DGKD: variants seen among roughly 807,000 people sequenced by gnomAD.
DGKD encodes the protein diacylglycerol kinase delta.
Under a neutral mutation model 154.4 loss-of-function variants are expected in DGKD, and 68 were observed. The observed-to-expected ratio is 0.44, with a 90% CI of 0.36 to 0.54. The LOEUF (loss-of-function observed/expected upper bound fraction) is 0.54. Ranked by LOEUF, DGKD falls within the 20% of genes least tolerant of loss-of-function variation. The pLI is 0.00. For synonymous variants in DGKD, 693 were observed against 638.0 expected, an observed-to-expected ratio of 1.09 and a Z score of -1.30; for missense variants, 1,343 against 1,593.6, an observed-to-expected ratio of 0.84 and a Z score of 2.68.
chr2:233,468,580 C>CCTG, intron 29 of DGKD, 27 bp downstream of exon 29: 1 of 1,612,594 alleles, frequency 6.2e-7, no homozygotes, highest in Non-Finnish European at 8.5e-7. Flanking sequence ...CTCCCTGGAA[C>CCTG]CTGCACTTGG....
intron 25 of DGKD, 51 bp from the exon 26 acceptor site, chr2:233,462,592 C>CCAGTGCATGTTCCCTCCCA: frequency 6.4e-7 from 1 of 1,573,684 alleles, no homozygotes; most frequent in Non-Finnish European, 8.7e-7. Context: ...TGCCCCTAAC[C>CCAGTGCATGTTCCCTCCCA]GTGCATGTTC....
At chr2:233,403,752 G>T (rs941275939) in intron 3 of DGKD, among the ~76,000 whole-genome samples, 4 of 150,732 alleles carry the variant, frequency 2.7e-5, no homozygotes, top group Non-Finnish European at 5.9e-5. Flanking sequence ...CAATTCTCCT[G>T]CCTCAGCCTC....
intron 1 of DGKD, among the ~76,000 whole-genome samples, chr2:233,387,625 G>A (rs914548401): frequency 1.3e-5 from 2 of 152,166 alleles, no homozygotes; most frequent in Non-Finnish European, 2.9e-5. Context: ...CTGGATTCTC[G>A]TAAGAGAACG....
rs575069065 is a variant in DGKD, at chr2:233,422,138, G to GCC, written c.349-12241_349-12240dup. On this transcript the variant is annotated intron_variant, in intron 3 of 29. Coordinates refer to ENST00000264057, the MANE Select transcript of DGKD (RefSeq NM_152879.3). ...GGGGCCTTGTCTTGGCACCATCTCG[G>GCC]CCACTCCCAGAGCATACATTGGTAT... is the stretch of plus-strand genomic sequence containing the variant. 2.5e-4 allele frequency among the ~76,000 whole-genome samples: 38 copies of GCC among 152,326 alleles called. 1 individual carries two copies. The South Asian group carries it at 7.9e-3, about 32-fold the overall frequency.
chr2:233,461,269 T>A (rs1365405614), intron 24 of DGKD, among the ~76,000 whole-genome samples: 1 of 152,232 alleles, frequency 6.6e-6, no homozygotes, highest in Non-Finnish European at 1.5e-5. Context: ...TGTCCCTTTC[T>A]TGTTTCCCCT....
Position 233,467,140 on chromosome 2 carries a change from A to G in DGKD, c.3361A>G (p.Thr1121Ala), listed in dbSNP as rs764774659. The change falls in exon 28 of 30, where the codon ACC (threonine) becomes GCC (alanine). Residue 1121 changes from threonine (T) to alanine (A), a missense_variant. Physicochemically the swap from Thr to Ala is moderately conservative, Grantham distance 58 (BLOSUM62 0). Around this residue, in one of 6 missense-constraint regions of DGKD, gnomAD observed 429 missense variants for 496.3 expected, o/e 0.86. Transcript: ENST00000264057. ...RSRSGKFRLV[T>A]KFKKEKNNKN... ...TCGCAGTGGTAAATTCCGCCTCGTGACCAAGTTTAAAAAGGAGAAAAACAA... is the reference window on the plus strand; with the variant it reads ...TCGCAGTGGTAAATTCCGCCTCGTGGCCAAGTTTAAAAAGGAGAAAAACAA... 1.9e-6 allele frequency: 3 copies of G among 1,614,238 alleles called. No individual in the cohort carries two copies. The Admixed American group carries it at 5.0e-5, about 27-fold the overall frequency.
In DGKD at chr2:233,449,228, G is replaced by A. The variant is rs770610152; in HGVS notation, c.1740G>A (p.Ser580=). The part of the protein sequence containing the change: ...IAEEAEDGDG[S]GSICGSTGDR... ...AGGAGGCTGAAGATGGAGATGGGTC[G>A]GGCAGCATCTGCGGTTCCACCGGAG... The change falls in exon 15 of 30, where the codon TCG becomes TCA. Residue 580 remains serine (S), a synonymous_variant. Coordinates refer to ENST00000264057, the MANE Select transcript of DGKD (RefSeq NM_152879.3). The surrounding 1 kb of genome is among the most constrained non-coding windows in gnomAD (Gnocchi z 5.3). 34 of 1,613,710 alleles carry A rather than the reference G, an allele frequency of 2.1e-5. No individual in the cohort carries two copies. The South Asian group carries it at 2.5e-4, about 12-fold the overall frequency.
In DGKD at chr2:233,458,502, A is replaced by T. The variant is rs73995976; in HGVS notation, c.2694+105A>T. The T allele has an allele frequency of 3.5e-3, 2,855 of 805,838 alleles. 55 individuals are homozygous for T. In the African/African-American group the frequency reaches 0.043, roughly 12 times the overall value. The allele number at this position is 805,838 out of a possible 1,614,324, so 49.9% of individuals were successfully genotyped here. On this transcript the variant is annotated intron_variant, in intron 22 of 29. Coordinates refer to ENST00000264057, the MANE Select transcript of DGKD (RefSeq NM_152879.3). The surrounding 1 kb of genome is among the most constrained non-coding windows in gnomAD (Gnocchi z 6.6). ...GGGAGGGTGGGCGCTTTCCAGGGCC[A>T]TGTGGCTGCCTCATGTCCTGTCCTG...
chr2:233,462,139 G>A (rs1394223843), intron 24 of DGKD, among the ~76,000 whole-genome samples: 1 of 152,180 alleles, frequency 6.6e-6, no homozygotes, highest in Non-Finnish European at 1.5e-5. Context: ...CAGATTTCTC[G>A]TGGAAGCCCT....
intron 3 of DGKD, among the ~76,000 whole-genome samples, chr2:233,421,139 T>G (rs1157211007): frequency 6.6e-6 from 1 of 152,128 alleles, no homozygotes; most frequent in African/African-American, 2.4e-5. Flanking sequence ...CATTGGACAT[T>G]GCTGAGACTT....
rs755474218 is a variant in DGKD at position 233,467,191 on chromosome 2, C to T, written c.3412C>T (p.Leu1138=). 1.2e-6 allele frequency: 2 copies of T among 1,613,734 alleles called. No homozygotes were observed. Among genetic ancestry groups the T allele is most frequent in the South Asian group, 1.1e-5 (1 of 91,078 alleles). ...CAAGAACAAAGAAGCTCACAGTAGC[C>T]TGGGAGCCCCGGGTACCTGCCTCTC... is the stretch of plus-strand genomic sequence containing the variant. The part of the protein sequence containing the change: ...NNKNKEAHSS[L]GAPVHLWGTE... The change falls in exon 28 of 30, where the codon CTG becomes TTG. Residue 1138 remains leucine, a synonymous_variant. Transcript: ENST00000264057.
At chr2:233,364,867 TGAAAGAGA>T (rs1701948725) in intron 1 of DGKD, among the ~76,000 whole-genome samples, 1 of 152,130 alleles carries the variant, frequency 6.6e-6, no homozygotes, top group Non-Finnish European at 1.5e-5. Flanking sequence ...CTAGGCTATT[TGAAAGAGA>T]TACGTTTAAA....
At chr2:233,397,024 GGGGCGC>G (rs1438499429) in intron 3 of DGKD, among the ~76,000 whole-genome samples, 1 of 18,974 alleles carries the variant, frequency 5.3e-5, no homozygotes, top group Non-Finnish European at 1.1e-4. Context: ...GCTGGGGGGG[GGGGCGC>G]CAGAGTGAGA....
chr2:233,412,159 T>C (rs956773326), intron 3 of DGKD, among the ~76,000 whole-genome samples: 4 of 152,222 alleles, frequency 2.6e-5, no homozygotes, highest in African/African-American at 9.6e-5. Flanking sequence ...GCTAGAATTT[T>C]GTTTGAGATT....
At chr2:233,464,973 G>C (rs1209205212) in intron 27 of DGKD, among the ~76,000 whole-genome samples, 1 of 152,252 alleles carries the variant, frequency 6.6e-6, no homozygotes, top group Non-Finnish European at 1.5e-5. Flanking sequence ...GGGCACCCCT[G>C]CCCAGTGGGG....
intron 28 of DGKD, among the ~76,000 whole-genome samples, chr2:233,467,415 GA>G (rs1185916509): frequency 6.6e-6 from 1 of 152,188 alleles, no homozygotes; most frequent in African/African-American, 2.4e-5. Flanking sequence ...ACCCGGCCCT[GA>G]CGTGCTCTCT....
At chr2:233,427,745 G>A (rs1467148320) in intron 3 of DGKD, among the ~76,000 whole-genome samples, 1 of 152,182 alleles carries the variant, frequency 6.6e-6, no homozygotes, top group Non-Finnish European at 1.5e-5. Flanking sequence ...CCATCTTTTA[G>A]TCTCCAAAGA....
Position 233,445,240 on chromosome 2 carries a change from G to A in DGKD, c.1195-383G>A, listed in dbSNP as rs1037168545. ...TGTAGTGGATGGAGGGACGGGTGGC[G>A]AGGCATCAGAGTGATTCCTTGGGGC... On this transcript the variant is annotated intron_variant, in intron 10 of 29. Coordinates refer to ENST00000264057, the MANE Select transcript of DGKD (RefSeq NM_152879.3). The surrounding 1 kb of genome is among the most constrained non-coding windows in gnomAD (Gnocchi z 5.5). 2.0e-5 allele frequency among the ~76,000 whole-genome samples: 3 copies of A among 152,028 alleles called. No homozygotes were observed. The highest frequency in any genetic ancestry group is 4.4e-5 in the Non-Finnish European group (3 of 67,994).
intron 3 of DGKD, among the ~76,000 whole-genome samples, 170 bp from the exon 4 acceptor site, chr2:233,434,210 T>C (rs2062618083): frequency 1.3e-5 from 2 of 152,264 alleles, no homozygotes; most frequent in Non-Finnish European, 2.9e-5. Flanking sequence ...ATCATTCTTA[T>C]TTTTAATTTT....
Sources: allele counts gnomAD v4.1 joint callset (sites outside exome capture counted in the v4.1 genomes callset), GRCh38; gene constraint gnomAD v4.1.1; regional missense constraint gnomAD v4.1.1; non-coding constraint Gnocchi (gnomAD v3.1); transcripts MANE v1.5; gene names NCBI Gene and HGNC (gene_info 2026-07-23, HGNC 2026-07-21).